Variants in SH3GL3 observed in about 807,000 individuals in gnomAD.
SH3GL3 encodes SH3 domain containing GRB2 like 3, endophilin A3, also known as endophilin-A3.
In SH3GL3, 33 loss-of-function variants were observed where a neutral mutation model predicts 47.7. The ratio of observed to expected loss-of-function variants is 0.69; its 90% CI spans 0.52 to 0.92. The LOEUF (loss-of-function observed/expected upper bound fraction) is 0.92. SH3GL3 is among the 40% of genes least tolerant of loss of function. The probability of loss-of-function intolerance (pLI) is 0.00; values close to 1 mark genes in which losing one functional copy is unlikely to be tolerated. For missense variants in SH3GL3, 363 were observed against 417.8 expected, an observed-to-expected ratio of 0.87 and a Z score of 1.14; for synonymous variants, 155 against 148.8, an observed-to-expected ratio of 1.04 and a Z score of -0.30.
At chr15:83,597,687 G>T (rs1258028450) in intron 8 of SH3GL3, among the ~76,000 whole-genome samples, 3 of 151,488 alleles carry the variant, frequency 2.0e-5, no homozygotes, top group Non-Finnish European at 4.4e-5. Flanking sequence ...TCGGCTCACT[G>T]CAACCTCCGC....
intron 6 of SH3GL3, among the ~76,000 whole-genome samples, chr15:83,580,204 C>G (rs77395074): frequency 6.6e-6 from 1 of 152,148 alleles, no homozygotes; most frequent in Non-Finnish European, 1.5e-5. Context: ...GCTTCCTTTC[C>G]TGGTGGGGAA....
At chr15:83,549,212 A>G (rs2044545694) in intron 1 of SH3GL3, among the ~76,000 whole-genome samples, 1 of 152,226 alleles carries the variant, frequency 6.6e-6, no homozygotes, top group African/African-American at 2.4e-5. Context: ...TTCTGATGTC[A>G]ATACTGGGAT....
chr15:83,533,816 G>T (rs2043789176), intron 1 of SH3GL3, among the ~76,000 whole-genome samples: 1 of 152,186 alleles, frequency 6.6e-6, no homozygotes, highest in Admixed American at 6.5e-5. Flanking sequence ...TCCCTGGCAG[G>T]TGTTCAGAGC....
chr15:83,468,184 T>C (rs1361823728), intron 1 of SH3GL3, among the ~76,000 whole-genome samples: 3 of 152,220 alleles, frequency 2.0e-5, no homozygotes, highest in African/African-American at 7.2e-5. Flanking sequence ...TGTATGAAGA[T>C]ATAATTGTTT....
At chr15:83,619,071 A>G (rs917003765), downstream of SH3GL3, among the ~76,000 whole-genome samples, 1 of 152,202 alleles carries the variant, frequency 6.6e-6, no homozygotes, top group African/African-American at 2.4e-5. Flanking sequence ...TGAGTCCCCA[A>G]TAACATCCTC....
chr15:83,509,312 C>A (rs547706925), intron 1 of SH3GL3, among the ~76,000 whole-genome samples: 2 of 152,220 alleles, frequency 1.3e-5, no homozygotes, highest in Admixed American at 1.3e-4. Flanking sequence ...GATGTCCCAC[C>A]AACTTTGGAG....
intron 1 of SH3GL3, among the ~76,000 whole-genome samples, chr15:83,450,561 C>T (rs1169077085): frequency 1.3e-5 from 2 of 151,970 alleles, no homozygotes; most frequent in Non-Finnish European, 2.9e-5. Context: ...GACTCGTAAA[C>T]CCTGGGGATT....
At chr15:83,525,607 C>A (rs979529929) in intron 1 of SH3GL3, among the ~76,000 whole-genome samples, 1 of 151,956 alleles carries the variant, frequency 6.6e-6, no homozygotes, top group Non-Finnish European at 1.5e-5. Context: ...AGAACAATGC[C>A]CTGGAGTGTT....
intron 7 of SH3GL3, among the ~76,000 whole-genome samples, chr15:83,587,569 G>A (rs908066676): frequency 6.8e-6 from 1 of 146,430 alleles, no homozygotes; most frequent in African/African-American, 2.5e-5. Context: ...CACTTCACCA[G>A]TACGAATTTC....
chr15:83,559,911 CA>C (rs946549611), intron 2 of SH3GL3, among the ~76,000 whole-genome samples: 3 of 152,114 alleles, frequency 2.0e-5, no homozygotes, highest in Admixed American at 6.5e-5. Flanking sequence ...AAATAACTTA[CA>C]AAAAATATGA....
chr15:83,480,399 A>T (rs566423045), intron 1 of SH3GL3, among the ~76,000 whole-genome samples: 1 of 152,364 alleles, frequency 6.6e-6, no homozygotes, highest in South Asian at 2.1e-4. Context: ...TATGAAGAAG[A>T]TGCCGCCATC....
intron 1 of SH3GL3, among the ~76,000 whole-genome samples, chr15:83,534,832 A>G (rs1596200636): frequency 6.6e-6 from 1 of 152,178 alleles, no homozygotes; most frequent in African/African-American, 2.4e-5. Flanking sequence ...TGTTGTTGTT[A>G]AACAAATACC....
chr15:83,607,598 C>G (rs1321081613), intron 8 of SH3GL3, among the ~76,000 whole-genome samples: 1 of 152,136 alleles, frequency 6.6e-6, no homozygotes, highest in African/African-American at 2.4e-5. Context: ...GCAAGCGCCC[C>G]TTGCCTGAGA....
chr15:83,448,481 T>TGTGTGTGTGTGTGTGTGTGTGTG lies in SH3GL3; in HGVS notation c.45+903_45+904insGTGTGTGTGTGTGTGTGTGTGTG, dbSNP rs1567228414. The stretch of plus-strand genomic sequence containing the variant: ...GTGTGTGTGTGTGTGTGTGTGTGTG[T>TGTGTGTGTGTGTGTGTGTGTGTG]TGATGACAAGCAAATTTGTTTTTCA... On this transcript the variant is annotated intron_variant, in intron 1 of 8. Coordinates refer to ENST00000427482, the MANE Select transcript of SH3GL3 (RefSeq NM_003027.5). The surrounding 1 kb of genome is among the most constrained non-coding windows in gnomAD (Gnocchi z 4.2). Among the ~76,000 whole-genome samples, 1 of 145,832 alleles carries TGTGTGTGTGTGTGTGTGTGTGTG rather than the reference T, an allele frequency of 6.9e-6. No homozygotes were observed. Among genetic ancestry groups the TGTGTGTGTGTGTGTGTGTGTGTG allele is most frequent in the African/African-American group, 2.5e-5 (1 of 39,442 alleles).
chr15:83,491,343 A>G (rs1351545299), intron 1 of SH3GL3, among the ~76,000 whole-genome samples: 1 of 152,222 alleles, frequency 6.6e-6, no homozygotes, highest in Non-Finnish European at 1.5e-5. Flanking sequence ...TCAGTGTTGT[A>G]TGAAATACTT....
At chr15:83,542,332 G>A (rs1364471613) in intron 1 of SH3GL3, among the ~76,000 whole-genome samples, 1 of 152,102 alleles carries the variant, frequency 6.6e-6, no homozygotes, top group Non-Finnish European at 1.5e-5. Context: ...TGGTCTGTGT[G>A]TCTGTTTTTT....
intron 5 of SH3GL3, among the ~76,000 whole-genome samples, chr15:83,575,314 A>G (rs1456232683): frequency 6.6e-6 from 1 of 152,212 alleles, no homozygotes; most frequent in Non-Finnish European, 1.5e-5. Flanking sequence ...CACCTGGCCA[A>G]CCACAGACAC....
the SH3GL3 span, among the ~76,000 whole-genome samples, chr15:83,633,773 C>G: frequency 5.9e-5 from 9 of 152,218 alleles, no homozygotes; most frequent in African/African-American, 2.2e-4. Context: ...GCCTGTATTT[C>G]TCCCCCTAAC....
intron 1 of SH3GL3, among the ~76,000 whole-genome samples, chr15:83,557,898 T>C (rs966919699): frequency 5.3e-5 from 8 of 152,200 alleles, no homozygotes; most frequent in African/African-American, 1.9e-4. Context: ...TGGAGAACCC[T>C]GGCCATTTTG....
Sources: gnomAD v4.1 joint callset for allele counts (sites outside exome capture counted in the v4.1 genomes callset) on GRCh38, gnomAD v4.1.1 for gene constraint, Gnocchi (gnomAD v3.1) non-coding constraint, MANE v1.5 for transcripts, NCBI Gene and HGNC (gene_info 2026-07-23, HGNC 2026-07-21) for gene names.